Variants in CEP43 observed in about 807,000 individuals in gnomAD.
The protein encoded by CEP43 is centrosomal protein 43.
In CEP43, 36 loss-of-function variants were observed where a neutral mutation model predicts 52.6. The observed-to-expected ratio is 0.68, with a 90% CI of 0.52 to 0.90. The LOEUF (loss-of-function observed/expected upper bound fraction) is 0.90. CEP43 is among the 40% of genes least tolerant of loss of function. The pLI is 0.00. For missense variants in CEP43, 506 were observed against 472.8 expected (o/e 1.07, Z -0.65); for synonymous variants, 192 against 172.4 (o/e 1.11, Z -0.89).
Position 167,041,784 on chromosome 6 carries a change from C to T in CEP43, c.*1806C>T, listed in dbSNP as rs755029097. On this transcript the variant is annotated 3_prime_UTR_variant, in exon 13 of 13. Coordinates refer to ENST00000366847, the MANE Select transcript of CEP43 (RefSeq NM_007045.4). ...TATTTGGGAGGGTAAAAGAAATATG[C>T]CAAATATGAAACTTTTTTGTCAGCA... 1.0e-6 allele frequency: 1 copy of T among 954,170 alleles called. No homozygotes were observed. Among genetic ancestry groups the T allele is most frequent in the Non-Finnish European group, 1.2e-6 (1 of 817,664 alleles). The allele number at this position is 954,170 out of a possible 1,614,324, so 59.1% of individuals were successfully genotyped here. A position where few individuals can be genotyped will look rare whatever the true frequency, so the allele number is the denominator to read the frequency against.
At chr6:167,009,761 G>C (rs1234698239) in intron 5 of CEP43, among the ~76,000 whole-genome samples, 8 of 151,812 alleles carry the variant, frequency 5.3e-5, no homozygotes, top group African/African-American at 1.7e-4. Flanking sequence ...ACTTGAATCT[G>C]GGAGGCGGAG....
At position 167,048,221 on chromosome 6, in the gene CEP43, CT is replaced by C. The variant is rs1320084762; in HGVS notation, c.*8244del. On this transcript the variant is annotated 3_prime_UTR_variant, in exon 13 of 13. Transcript: ENST00000366847. ...TAGCCTGGGCAACATAGTAAGACCC[CT>C]ATCTCTACAAAAAATATAAAAATTA... The C allele has an allele frequency of 6.6e-6, 1 of 152,172 alleles. No individual in the cohort carries two copies. The highest frequency in any genetic ancestry group is 1.5e-5 in the Non-Finnish European group (1 of 68,058). 9.4% of individuals were successfully genotyped at this position (152,172 alleles called of 1,614,324 possible).
chr6:167,013,403 A>G, intron 6 of CEP43, 105 bp from the exon 7 acceptor site: 3 of 889,720 alleles, frequency 3.4e-6, no homozygotes, highest in South Asian at 1.6e-5. Flanking sequence ...TAGATGTTCC[A>G]CTTCTGAGAC....
intron 12 of CEP43, chr6:167,036,916 T>C (rs1780595887): frequency 4.2e-6 from 1 of 235,430 alleles, no homozygotes; most frequent in South Asian, 1.5e-4. Context: ...CAAGCAATTC[T>C]ACCTTAGCCT....
intron 5 of CEP43, among the ~76,000 whole-genome samples, chr6:167,006,448 G>A (rs1287830676): frequency 6.6e-6 from 1 of 152,092 alleles, no homozygotes; most frequent in Non-Finnish European, 1.5e-5. Flanking sequence ...GTAGGTGGCG[G>A]TGGCAGTGAG....
intron 7 of CEP43, among the ~76,000 whole-genome samples, chr6:167,017,065 G>T (rs924048121): frequency 6.7e-6 from 1 of 150,166 alleles, no homozygotes; most frequent in Non-Finnish European, 1.5e-5. Context: ...GCACGATCTC[G>T]GCTCACTGCA....
intron 7 of CEP43, among the ~76,000 whole-genome samples, chr6:167,020,472 T>C (rs1056407654): frequency 3.9e-5 from 6 of 152,246 alleles, no homozygotes; most frequent in African/African-American, 4.8e-5. Flanking sequence ...ACCCAGACTT[T>C]GGTCACCATG....
At chr6:167,009,844 GAAAAATA>G (rs150198163) in intron 5 of CEP43, among the ~76,000 whole-genome samples, 3,015 of 151,382 alleles carry the variant, frequency 0.02, 84 homozygotes, top group African/African-American at 0.067. Context: ...TCAAAAAAAA[GAAAAATA>G]AAAGAAAGAA....
chr6:167,026,756 T>C (rs2282860), intron 10 of CEP43, 141 bp downstream of exon 10: 279,897 of 633,122 alleles, frequency 0.44, 63,321 homozygotes, highest in East Asian at 0.5. Flanking sequence ...ATGGCTTTTA[T>C]GTGTTCAGGA....
intron 5 of CEP43, among the ~76,000 whole-genome samples, chr6:167,005,524 T>G (rs1779831473): frequency 1.3e-5 from 2 of 152,190 alleles, no homozygotes; most frequent in Admixed American, 1.3e-4. Context: ...TGGGAAGGGC[T>G]TTCCGAGAAG....
Position 167,045,110 on chromosome 6 carries a change from C to CTTTTTTTTTTTTT in CEP43, c.*5144_*5145insTTTTTTTTTTTTT, listed in dbSNP as rs71032900. On this transcript the variant is annotated 3_prime_UTR_variant, in exon 13 of 13. Coordinates refer to ENST00000366847, the MANE Select transcript of CEP43 (RefSeq NM_007045.4). Reference sequence around the variant, plus strand: ...TTCAGACACTTGTATTTTTTTTTTCCTTTTTTTTTTTTGAGACTGAGTCAC... The same window carrying CTTTTTTTTTTTTT: ...TTCAGACACTTGTATTTTTTTTTTCCTTTTTTTTTTTTTTTTTTTTTTTTTGAGACTGAGTCAC... 7.0e-6 allele frequency: 1 copy of CTTTTTTTTTTTTT among 142,800 alleles called. No homozygotes were observed. The allele number at this position is 142,800 out of a possible 1,614,324, so 8.8% of individuals were successfully genotyped here.
In CEP43 at chr6:167,004,507, A is replaced by G. The variant is rs192917663; in HGVS notation, c.438+106A>G. The G allele has an allele frequency of 1.8e-4, 169 of 953,068 alleles. 1 individual carries two copies. In the East Asian group the frequency reaches 2.6e-3, roughly 15 times the overall value. 59.0% of individuals were successfully genotyped at this position (953,068 alleles called of 1,614,324 possible). A position where few individuals can be genotyped will look rare whatever the true frequency, so the allele number is the denominator to read the frequency against. On this transcript the variant is annotated intron_variant, in intron 5 of 12. Coordinates refer to ENST00000366847, the MANE Select transcript of CEP43 (RefSeq NM_007045.4). Reference sequence around the variant, plus strand: ...TAAATTAAGGTTTTCATACTAGAAGATATTCCTTAAAAACAAAATGAGATG... The same window carrying G: ...TAAATTAAGGTTTTCATACTAGAAGGTATTCCTTAAAAACAAAATGAGATG...
chr6:167,006,379 G>C (rs1779854562), intron 5 of CEP43, among the ~76,000 whole-genome samples: 3 of 152,162 alleles, frequency 2.0e-5, no homozygotes, highest in Admixed American at 2.0e-4. Flanking sequence ...GCTGGGCGCG[G>C]TGGTGTGTGC....
chr6:167,003,753 T>C lies in CEP43; in HGVS notation c.242T>C (p.Phe81Ser). Residue 81 changes from phenylalanine (F) to serine (S), a missense_variant, in exon 4 of 13, where the codon TTT becomes TCT. Transcript: ENST00000366847. Reference sequence around the variant, plus strand: ...TTAGTGGCTAGTCTTGTTGCAGAATTTCTTCAGTTTTTTAACCTTGACTTT... The same window carrying C: ...TTAGTGGCTAGTCTTGTTGCAGAATCTCTTCAGTTTTTTAACCTTGACTTT... Reference protein sequence around the residue: ...GRLVASLVAEFLQFFNLDFTL... With the variant: ...GRLVASLVAESLQFFNLDFTL... 6.8e-6 allele frequency: 11 copies of C among 1,612,126 alleles called. No homozygotes were observed. The highest frequency in any genetic ancestry group is 9.3e-6 in the Non-Finnish European group (11 of 1,178,758).
intron 5 of CEP43, among the ~76,000 whole-genome samples, chr6:167,009,221 A>G (rs940757448): frequency 1.3e-5 from 2 of 151,984 alleles, no homozygotes; most frequent in African/African-American, 2.4e-5. Context: ...GTGGAACTCC[A>G]TCTCTACCAA....
At chr6:167,002,539 C>A (rs1779761893) in intron 2 of CEP43, among the ~76,000 whole-genome samples, 1 of 152,168 alleles carries the variant, frequency 6.6e-6, no homozygotes, top group Non-Finnish European at 1.5e-5. Flanking sequence ...TTTTAAGAAA[C>A]ACTACCAAAT....
Position 167,041,735 on chromosome 6 carries a change from G to A in CEP43, c.*1757G>A, listed in dbSNP as rs552067281. On this transcript the variant is annotated 3_prime_UTR_variant, in exon 13 of 13. Transcript: ENST00000366847. Reference sequence around the variant, plus strand: ...CTGAAATTTGTCACTTTTCTGTTACGCAGAGAATCAGACCTTTTGATAATA... The same window carrying A: ...CTGAAATTTGTCACTTTTCTGTTACACAGAGAATCAGACCTTTTGATAATA... The A allele has an allele frequency of 1.1e-5, 11 of 1,020,198 alleles. No individual in the cohort carries two copies. The East Asian group carries it at 3.4e-4, about 31-fold the overall frequency. 63.2% of individuals were successfully genotyped at this position (1,020,198 alleles called of 1,614,324 possible).
At chr6:167,024,321 G>A (rs779112619) in intron 8 of CEP43, among the ~76,000 whole-genome samples, 54 of 152,288 alleles carry the variant, frequency 3.5e-4, no homozygotes, top group Non-Finnish European at 6.6e-4. Flanking sequence ...AACCCGGAGG[G>A]TTGTTGGGCA....
At chr6:167,007,596 TTTCTA>T (rs1562524077) in intron 5 of CEP43, among the ~76,000 whole-genome samples, 1 of 152,210 alleles carries the variant, frequency 6.6e-6, no homozygotes, top group East Asian at 1.9e-4. Flanking sequence ...TTATTAGTGT[TTTCTA>T]TTACTTTGGA....
Sources: gnomAD v4.1 joint callset for allele counts (sites outside exome capture counted in the v4.1 genomes callset) on GRCh38, gnomAD v4.1.1 for gene constraint, MANE v1.5 for transcripts, NCBI Gene and HGNC (gene_info 2026-07-23, HGNC 2026-07-21) for gene names.